BEGAIN: variants seen among roughly 807,000 people sequenced by gnomAD.
BEGAIN encodes brain enriched guanylate kinase associated.
In BEGAIN, 19 loss-of-function variants were observed where a neutral mutation model predicts 35.8. The observed-to-expected ratio is 0.53, with a 90% CI of 0.37 to 0.78. The LOEUF is 0.78. Among genes scored for constraint, BEGAIN ranks in the 30% least tolerant of loss-of-function variants. The pLI is 0.00. For synonymous variants in BEGAIN, 462 were observed against 388.6 expected, an observed-to-expected ratio of 1.19 and a Z score of -2.22; for missense variants, 795 against 853.6, an observed-to-expected ratio of 0.93 and a Z score of 0.85.
Position 100,587,362 on chromosome 14 carries a change from GCCGGGAGCCGGCGCGGCCGGGGCTC to G in BEGAIN, c.-97_-73del, listed in dbSNP as rs1164406697. ...CCCCCTCCCCTCCGAGGCCGAGCGC[GCCGGGAGCCGGCGCGGCCGGGGCTC>G]CCCCACCCCGCCCGGCTTCCCGCAG... On this transcript the variant is annotated 5_prime_UTR_variant, in exon 1 of 7. Coordinates refer to ENST00000554140, the MANE Select transcript of BEGAIN (RefSeq NM_001385089.1). 1 of 146,252 alleles carries G rather than the reference GCCGGGAGCCGGCGCGGCCGGGGCTC, an allele frequency of 6.8e-6. No individual in the cohort carries two copies. The highest frequency in any genetic ancestry group is 1.5e-5 in the Non-Finnish European group (1 of 65,492). The allele number at this position is 146,252 out of a possible 1,614,324, so 9.1% of individuals were successfully genotyped here.
At position 100,576,002 on chromosome 14, in the gene BEGAIN, G is replaced by A. The variant is rs115933945; in HGVS notation, c.43-8063C>T. Among the ~76,000 whole-genome samples, 1,114 of 152,268 alleles carry A rather than the reference G, an allele frequency of 7.3e-3. 15 individuals carry two copies. Among genetic ancestry groups the A allele is most frequent in the African/African-American group, 0.025 (1,048 of 41,552 alleles). On this transcript the variant is annotated intron_variant, in intron 1 of 6. Transcript: ENST00000554140. ...GTGGGGCTCCCAGCTCACCACCCCT[G>A]GAGGAGCAGGCGGGGAAACAATGCT...
chr14:100,546,512 C>T lies in BEGAIN; in HGVS notation c.222G>A (p.Glu74=). Residue 74 remains glutamate (E), a synonymous_variant, in exon 3 of 7, where the codon GAG becomes GAA. Transcript: ENST00000554140. ...RAQEELEKVT[E]KLRRIQSNYM... is the part of the protein sequence containing the mutation. ...GCCCCGCCCCTCACCTGCGCAGCTT[C>T]TCCGTGACCTTCTCCAGTTCCTCCT... 6.4e-7 allele frequency: 1 copy of T among 1,553,954 alleles called. No individual in the cohort carries two copies. The highest frequency in any genetic ancestry group is 8.6e-7 in the Non-Finnish European group (1 of 1,157,754).
rs1157459166 is a variant in BEGAIN at position 100,557,058 on chromosome 14, GCCGGCC to G, written c.72-10402_72-10397del. 4.2e-3 allele frequency among the ~76,000 whole-genome samples: 533 copies of G among 128,082 alleles called. 4 individuals are homozygous for G. Among genetic ancestry groups the G allele is most frequent in the African/African-American group, 0.016 (495 of 30,418 alleles). 84.0% of individuals were successfully genotyped at this position (128,082 alleles called of 152,430 possible). A position where few individuals can be genotyped will look rare whatever the true frequency, so the allele number is the denominator to read the frequency against. On this transcript the variant is annotated intron_variant, in intron 2 of 6. Coordinates refer to ENST00000554140, the MANE Select transcript of BEGAIN (RefSeq NM_001385089.1). ...GGCCCCCAGTCCCAGCGCCGGCTCT[GCCGGCC>G]TCTTCCAGCCACACCCGAGTCAGGG...
intron 1 of BEGAIN, among the ~76,000 whole-genome samples, chr14:100,583,643 TTTC>T (rs1384802939): frequency 4.0e-5 from 6 of 151,390 alleles, no homozygotes; most frequent in South Asian, 2.1e-4. Context: ...TCTTTCTTTC[TTTC>T]TTTTCTTTTT....
chr14:100,551,042 G>A (rs2033143162), intron 2 of BEGAIN, among the ~76,000 whole-genome samples: 1 of 152,230 alleles, frequency 6.6e-6, no homozygotes, highest in South Asian at 2.1e-4. Context: ...CTGGGTTCCT[G>A]GCGTGCAGGA....
chr14:100,571,806 T>C (rs984336255), intron 1 of BEGAIN, among the ~76,000 whole-genome samples: 4 of 152,162 alleles, frequency 2.6e-5, no homozygotes, highest in Non-Finnish European at 5.9e-5. Context: ...CAGGCTCACC[T>C]GGCCCATCCC....
At chr14:100,555,860 G>A (rs1468701172) in intron 2 of BEGAIN, among the ~76,000 whole-genome samples, 1 of 152,162 alleles carries the variant, frequency 6.6e-6, no homozygotes, top group Non-Finnish European at 1.5e-5. Context: ...GCAATCCCGT[G>A]GCTGACCTCT....
At chr14:100,571,885 C>T (rs2035090610) in intron 1 of BEGAIN, among the ~76,000 whole-genome samples, 1 of 152,204 alleles carries the variant, frequency 6.6e-6, no homozygotes, top group South Asian at 2.1e-4. Context: ...CGGCCGGGGC[C>T]TCCCTTCCCT....
chr14:100,585,790 G>A (rs759378733), intron 1 of BEGAIN, among the ~76,000 whole-genome samples: 1 of 152,098 alleles, frequency 6.6e-6, no homozygotes, highest in Non-Finnish European at 1.5e-5. Flanking sequence ...TCCCAGGTGC[G>A]AACAGCTCCA....
rs2034947973 is a variant in BEGAIN, at chr14:100,568,820, G to A, written c.43-881C>T. The A allele has an allele frequency of 1.0e-6, 1 of 975,120 alleles. No individual in the cohort carries two copies. The highest frequency in any genetic ancestry group is 1.2e-6 in the Non-Finnish European group (1 of 820,346). The allele number at this position is 975,120 out of a possible 1,614,324, so 60.4% of individuals were successfully genotyped here. The stretch of plus-strand genomic sequence containing the variant: ...TATCACCCGGGAGAGGCCGCTCCCC[G>A]GGGCTTTGCCCGTCTTTCTGTGCCG... On this transcript the variant is annotated intron_variant, in intron 1 of 6. Transcript: ENST00000554140. This position sits in a 1 kb window ranked among gnomAD's most constrained non-coding sequence, Gnocchi z 7.5.
At chr14:100,555,525 C>A (rs2033632812) in intron 2 of BEGAIN, among the ~76,000 whole-genome samples, 1 of 152,202 alleles carries the variant, frequency 6.6e-6, no homozygotes, top group East Asian at 1.9e-4. Context: ...GTCCTCAGAC[C>A]CCCGAAAGGG....
At chr14:100,580,721 T>TC (rs1436242759) in intron 1 of BEGAIN, among the ~76,000 whole-genome samples, 2 of 152,080 alleles carry the variant, frequency 1.3e-5, no homozygotes, top group Admixed American at 6.6e-5. Flanking sequence ...TGTGTGTGTG[T>TC]CCCCCCGTAG....
chr14:100,538,092 G>A lies in BEGAIN; in HGVS notation c.1716C>T (p.Ser572=). 1.9e-6 allele frequency: 3 copies of A among 1,585,904 alleles called. No homozygotes were observed. The highest frequency in any genetic ancestry group is 2.6e-6 in the Non-Finnish European group (3 of 1,167,786). ...GGCGGGCGGCAGGATGCATTTCCGG[G>A]GAGGCCTCCATGGAGCTCGGCTCCA... is the stretch of plus-strand genomic sequence containing the variant. ...DSLEPSSMEA[S]PEMHPAARLS... is the part of the protein sequence containing the mutation. Residue 572 remains serine (S), a synonymous_variant, in exon 7 of 7, where the codon TCC becomes TCT. Coordinates refer to ENST00000554140, the MANE Select transcript of BEGAIN (RefSeq NM_001385089.1).
At chr14:100,546,849 C>T (rs1244757613) in intron 2 of BEGAIN, 187 bp from the exon 3 acceptor site, 1 of 497,546 alleles carries the variant, frequency 2.0e-6, no homozygotes, top group African/African-American at 2.0e-5. Context: ...TCACTGAAGA[C>T]CATGGCGCCC....
intron 1 of BEGAIN, chr14:100,577,658 G>A (rs536973037): frequency 3.8e-5 from 15 of 399,122 alleles, no homozygotes; most frequent in African/African-American, 8.2e-5. Flanking sequence ...CGGCCCAGGC[G>A]TGCGAGGGAG....
At chr14:100,577,846 T>G (rs2035234950) in intron 1 of BEGAIN, 2 of 399,340 alleles carry the variant, frequency 5.0e-6, no homozygotes, top group South Asian at 2.5e-4. Context: ...TCTGTGAGCT[T>G]CCTTGATGGG....
intron 1 of BEGAIN, among the ~76,000 whole-genome samples, chr14:100,580,435 G>A (rs1043057835): frequency 6.6e-6 from 1 of 151,904 alleles, no homozygotes; most frequent in African/African-American, 2.4e-5. Flanking sequence ...CTACCCTCCC[G>A]CCCCGTGCTC....
chr14:100,573,034 C>G lies in BEGAIN; in HGVS notation c.43-5095G>C, dbSNP rs77641516. The stretch of plus-strand genomic sequence containing the variant: ...CACCACCCCTCCCACCCTGTATGTC[C>G]GACGGGGATATGTGTACAGAGAAGG... On this transcript the variant is annotated intron_variant, in intron 1 of 6. Transcript: ENST00000554140. The surrounding 1 kb of genome is among the most constrained non-coding windows in gnomAD (Gnocchi z 4.2). Among the ~76,000 whole-genome samples, 3 of 151,662 alleles carry G rather than the reference C, an allele frequency of 2.0e-5. No individual in the cohort carries two copies. Among genetic ancestry groups the G allele is most frequent in the Non-Finnish European group, 4.4e-5 (3 of 67,962 alleles).
At chr14:100,578,797 G>A (rs1175674651) in intron 1 of BEGAIN, among the ~76,000 whole-genome samples, 2 of 151,796 alleles carry the variant, frequency 1.3e-5, no homozygotes, top group African/African-American at 4.8e-5. Flanking sequence ...AAAGGAATCC[G>A]GATATCTCAT....
Sources: gnomAD v4.1 joint callset for allele counts (sites outside exome capture counted in the v4.1 genomes callset) on GRCh38, gnomAD v4.1.1 for gene constraint, Gnocchi (gnomAD v3.1) non-coding constraint, MANE v1.5 for transcripts, NCBI Gene and HGNC (gene_info 2026-07-23, HGNC 2026-07-21) for gene names.